ZNF148: variants seen among roughly 807,000 people sequenced by gnomAD.
ZNF148 encodes the protein Beta-Enolase Repressor Factor-1.
In ZNF148, 7 loss-of-function variants were observed where a neutral mutation model predicts 67.7. The ratio of observed to expected loss-of-function variants is 0.10; its 90% CI spans 0.06 to 0.19. The LOEUF (loss-of-function observed/expected upper bound fraction) is 0.19, where lower values mean the gene tolerates loss of function less well. Ranked by LOEUF, ZNF148 falls within the 10% of genes least tolerant of loss-of-function variation. The pLI is 1.00. For synonymous variants in ZNF148, 333 were observed against 330.7 expected (o/e 1.01, Z -0.08); for missense variants, 583 against 947.1 (o/e 0.62, Z 5.05).
intron 1 of ZNF148, among the ~76,000 whole-genome samples, chr3:125,354,488 T>G (rs1453811462): frequency 2.6e-5 from 4 of 152,258 alleles, no homozygotes; most frequent in Admixed American, 6.5e-5. Context: ...TCTGAAAATA[T>G]TTCATGTAAA....
intron 1 of ZNF148, among the ~76,000 whole-genome samples, chr3:125,332,570 T>C (rs893214042): frequency 6.6e-6 from 1 of 152,224 alleles, no homozygotes; most frequent in Admixed American, 6.5e-5. Context: ...TTGTAACAAG[T>C]AGCTGAGTCT....
At chr3:125,366,850 A>C (rs1288964917) in intron 1 of ZNF148, among the ~76,000 whole-genome samples, 1 of 152,232 alleles carries the variant, frequency 6.6e-6, no homozygotes, top group African/African-American at 2.4e-5. Context: ...CTTAAAAAAA[A>C]AAATCTTATC....
At chr3:125,303,663 C>T (rs146999620) in intron 4 of ZNF148, among the ~76,000 whole-genome samples, 104 of 152,208 alleles carry the variant, frequency 6.8e-4, no homozygotes, top group South Asian at 5.4e-3. Context: ...AAGCCCAGGG[C>T]TCCTACTGAC....
At chr3:125,236,396 C>T (rs1936093403) in intron 7 of ZNF148, among the ~76,000 whole-genome samples, 1 of 151,956 alleles carries the variant, frequency 6.6e-6, no homozygotes, top group African/African-American at 2.4e-5. Flanking sequence ...AAATGAAAGG[C>T]ATAAATAGTG....
At chr3:125,323,653 AC>A (rs1021854333) in intron 2 of ZNF148, among the ~76,000 whole-genome samples, 3 of 152,100 alleles carry the variant, frequency 2.0e-5, no homozygotes, top group African/African-American at 7.2e-5. Flanking sequence ...TGAGAAATAA[AC>A]TTGGCCTTAT....
intron 5 of ZNF148, 117 bp from the exon 6 acceptor site, chr3:125,279,364 T>G (rs1938252249): frequency 1.2e-6 from 1 of 837,660 alleles, no homozygotes; most frequent in Non-Finnish European, 1.7e-6. Flanking sequence ...TGAAATATTT[T>G]GTTCTTAAAT....
At chr3:125,358,995 CTTT>C (rs906733449) in intron 1 of ZNF148, among the ~76,000 whole-genome samples, 22 of 152,244 alleles carry the variant, frequency 1.4e-4, no homozygotes. Context: ...CCATCACCTT[CTTT>C]AAGATACTCA....
chr3:125,247,692 C>A, intron 7 of ZNF148, among the ~76,000 whole-genome samples: 1 of 152,042 alleles, frequency 6.6e-6, no homozygotes, highest in East Asian at 1.9e-4. Flanking sequence ...GCCTGTCTCG[C>A]CCTCCCAAAG....
intron 1 of ZNF148, among the ~76,000 whole-genome samples, chr3:125,365,224 T>C (rs1038724265): frequency 3.9e-5 from 6 of 152,140 alleles, no homozygotes; most frequent in Non-Finnish European, 1.5e-5. Flanking sequence ...AAATATACCC[T>C]GAATGAATAA....
chr3:125,288,458 T>C (rs1202880826), intron 4 of ZNF148, among the ~76,000 whole-genome samples: 1 of 151,636 alleles, frequency 6.6e-6, no homozygotes, highest in Non-Finnish European at 1.5e-5. Context: ...TTTTTTAATC[T>C]ACCTGAGAAA....
intron 7 of ZNF148, among the ~76,000 whole-genome samples, chr3:125,237,003 A>T (rs917703810): frequency 1.3e-5 from 2 of 152,202 alleles, no homozygotes; most frequent in African/African-American, 4.8e-5. Context: ...TGGGAGAGAA[A>T]GTCACTTATA....
chr3:125,310,714 A>C (rs1434785164), intron 4 of ZNF148, among the ~76,000 whole-genome samples: 2 of 152,186 alleles, frequency 1.3e-5, no homozygotes, highest in Admixed American at 1.3e-4. Context: ...AGCCTCTACC[A>C]CTGGGCAGGG....
At chr3:125,348,213 C>T (rs1559774004) in intron 1 of ZNF148, among the ~76,000 whole-genome samples, 1 of 151,780 alleles carries the variant, frequency 6.6e-6, no homozygotes, top group Admixed American at 6.6e-5. Flanking sequence ...GAGCCTTGAT[C>T]GTGCCACTGC....
intron 1 of ZNF148, among the ~76,000 whole-genome samples, chr3:125,354,049 A>G (rs1228563331): frequency 6.6e-6 from 1 of 152,190 alleles, no homozygotes. Flanking sequence ...AAAGGTTAAT[A>G]AAAATATAAG....
At chr3:125,242,236 T>C (rs1296650950) in intron 7 of ZNF148, among the ~76,000 whole-genome samples, 1 of 152,238 alleles carries the variant, frequency 6.6e-6, no homozygotes, top group Non-Finnish European at 1.5e-5. Flanking sequence ...TACTGGATTT[T>C]GAGTGTTATT....
intron 7 of ZNF148, among the ~76,000 whole-genome samples, chr3:125,247,171 T>C (rs370986429): frequency 3.1e-4 from 47 of 152,322 alleles, no homozygotes; most frequent in Non-Finnish European, 5.7e-4. Context: ...CTTTCTAGTA[T>C]AGAATGGTTT....
intron 4 of ZNF148, among the ~76,000 whole-genome samples, chr3:125,288,789 A>T (rs1938847178): frequency 6.6e-6 from 1 of 152,182 alleles, no homozygotes; most frequent in Non-Finnish European, 1.5e-5. Context: ...GATCTCAGCC[A>T]GTACTTTCCT....
At chr3:125,261,424 T>G (rs1216809406) in intron 7 of ZNF148, among the ~76,000 whole-genome samples, 1 of 152,208 alleles carries the variant, frequency 6.6e-6, no homozygotes, top group African/African-American at 2.4e-5. Context: ...AATTTACTTA[T>G]GGCTGTAATT....
chr3:125,318,020 T>C (rs1940601654), intron 3 of ZNF148, among the ~76,000 whole-genome samples: 1 of 151,788 alleles, frequency 6.6e-6, no homozygotes, highest in South Asian at 2.1e-4. Context: ...ACCAGGCCCA[T>C]GGAAAAAGGG....
Sources: gnomAD v4.1 joint callset for allele counts (sites outside exome capture counted in the v4.1 genomes callset) on GRCh38, gnomAD v4.1.1 for gene constraint, MANE v1.5 for transcripts, NCBI Gene and HGNC (gene_info 2026-07-23, HGNC 2026-07-21) for gene names.